The following KCNQ1 variants were observed in gnomAD, a reference collection of about 807,000 sequenced individuals.
The protein encoded by KCNQ1 is potassium voltage-gated channel subfamily Q member 1.
Under a neutral mutation model 72.4 loss-of-function variants are expected in KCNQ1, and 49 were observed. The observed-to-expected ratio is 0.68, with a 90% CI of 0.54 to 0.86. KCNQ1 has a LOEUF of 0.86. Among genes scored for constraint, KCNQ1 ranks in the 40% least tolerant of loss-of-function variants. The probability of loss-of-function intolerance (pLI) is 0.00; values close to 1 mark genes in which losing one functional copy is unlikely to be tolerated. For synonymous variants in KCNQ1, 450 were observed against 412.6 expected (o/e 1.09, Z -1.10); for missense variants, 790 against 945.1 (o/e 0.84, Z 2.15).
At position 2,817,694 on chromosome 11, in the gene KCNQ1, G is replaced by A. The variant is rs761472280; in HGVS notation, c.1795-30073G>A. 5.3e-5 allele frequency among the ~76,000 whole-genome samples: 8 copies of A among 152,118 alleles called. No homozygotes were observed. Among genetic ancestry groups the A allele is most frequent in the Non-Finnish European group, 8.8e-5 (6 of 68,014 alleles). On this transcript the variant is annotated intron_variant, in intron 15 of 15. Transcript: ENST00000155840. This position sits in a 1 kb window ranked among gnomAD's most constrained non-coding sequence, Gnocchi z 6.1. ...GGGACTGTTAGCACAGACCTGAGCC[G>A]AGGCCCCCTTCTCACAGGGGCCTAC...
rs1027303679 is a variant in KCNQ1 at position 2,734,451 on chromosome 11, G to C, written c.1515-34393G>C. 8.5e-5 allele frequency among the ~76,000 whole-genome samples: 13 copies of C among 152,232 alleles called. No homozygotes were observed. Among genetic ancestry groups the C allele is most frequent in the African/African-American group, 3.1e-4 (13 of 41,462 alleles). Reference sequence around the variant, plus strand: ...TGTCCCCGGGGCCCCGCAGCCAGCTGTGCTGGGCAAGGCAGGACGGGATCC... The same window carrying C: ...TGTCCCCGGGGCCCCGCAGCCAGCTCTGCTGGGCAAGGCAGGACGGGATCC... On this transcript the variant is annotated intron_variant, in intron 11 of 15. Coordinates refer to ENST00000155840, the MANE Select transcript of KCNQ1 (RefSeq NM_000218.3). This position sits in a 1 kb window ranked among gnomAD's most constrained non-coding sequence, Gnocchi z 7.0.
rs1246947713 is a variant in KCNQ1 at position 2,473,755 on chromosome 11, G to A, written c.386+28271G>A. On this transcript the variant is annotated intron_variant, in intron 1 of 15. Transcript: ENST00000155840. This position sits in a 1 kb window ranked among gnomAD's most constrained non-coding sequence, Gnocchi z 6.0. ...TGGCAGCCTGCAGGTTGAAGCCCCC[G>A]ACAGCTGGGGGAGGCATTGCTCTGC... Among the ~76,000 whole-genome samples the A allele has an allele frequency of 2.0e-5, 3 of 152,230 alleles. No homozygotes were observed. Among genetic ancestry groups the A allele is most frequent in the Non-Finnish European group, 2.9e-5 (2 of 68,032 alleles).
chr11:2,775,984 C>T lies in KCNQ1; in HGVS notation c.1615C>T (p.Arg539Trp), dbSNP rs199472795. ...FQQARKPYDV[R>W]DVIEQYSQGH... ...GCAAGCGCGGAAGCCTTACGATGTG[C>T]GGGACGTCATTGAGCAGTACTCGCA... The change falls in exon 13 of 16, where the codon CGG becomes TGG. Residue 539 changes from arginine to tryptophan, a missense_variant. This residue lies in a region of KCNQ1 where 91 missense variants were observed against 139.1 expected (regional missense o/e 0.65). Transcript: ENST00000155840. 5 of 1,567,782 alleles carry T rather than the reference C, an allele frequency of 3.2e-6. No homozygotes were observed. Among genetic ancestry groups the T allele is most frequent in the Non-Finnish European group, 4.3e-6 (5 of 1,156,494 alleles).
rs530325713 is a variant in KCNQ1, at chr11:2,790,851, C to T, written c.1794+12814C>T. On this transcript the variant is annotated intron_variant, in intron 15 of 15. Coordinates refer to ENST00000155840, the MANE Select transcript of KCNQ1 (RefSeq NM_000218.3). ...GGGGTCTCTCTGCAAGTTCAAGTTC[C>T]GCCTCAACCCTACTACGTGGCCCTG... is the stretch of plus-strand genomic sequence containing the variant. Among the ~76,000 whole-genome samples the T allele has an allele frequency of 9.8e-5, 15 of 152,312 alleles. No homozygotes were observed. The South Asian group carries it at 1.2e-3, about 13-fold the overall frequency.
At position 2,734,412 on chromosome 11, in the gene KCNQ1, G is replaced by C. The variant is rs2133944932; in HGVS notation, c.1515-34432G>C. Among the ~76,000 whole-genome samples the C allele has an allele frequency of 6.6e-6, 1 of 152,378 alleles. No homozygotes were observed. The highest frequency in any genetic ancestry group is 2.1e-4 in the South Asian group (1 of 4,832). On this transcript the variant is annotated intron_variant, in intron 11 of 15. Coordinates refer to ENST00000155840, the MANE Select transcript of KCNQ1 (RefSeq NM_000218.3). This position sits in a 1 kb window ranked among gnomAD's most constrained non-coding sequence, Gnocchi z 7.0. ...GCTTCACAGCCCCCCGGCCACCGCAGGTCGGGGGAGCACTGTCCCCGGGGC... is the reference window on the plus strand; with the variant it reads ...GCTTCACAGCCCCCCGGCCACCGCACGTCGGGGGAGCACTGTCCCCGGGGC...
intron 15 of KCNQ1, among the ~76,000 whole-genome samples, chr11:2,791,312 C>T (rs1397337826): frequency 1.3e-5 from 2 of 151,630 alleles, no homozygotes; most frequent in African/African-American, 4.9e-5. Context: ...CTGGGCTGGC[C>T]GCCTGCAGGG....
rs1846880321 is a variant in KCNQ1 at position 2,784,655 on chromosome 11, C to G, written c.1794+6618C>G. ...ACTTAACAAAATTGAGTATTGTAATCAATGAACATGGTATATCCCTCCATT... is the reference window on the plus strand; with the variant it reads ...ACTTAACAAAATTGAGTATTGTAATGAATGAACATGGTATATCCCTCCATT... On this transcript the variant is annotated intron_variant, in intron 15 of 15. Transcript: ENST00000155840. This position sits in a 1 kb window ranked among gnomAD's most constrained non-coding sequence, Gnocchi z 4.7. Among the ~76,000 whole-genome samples the G allele has an allele frequency of 6.6e-6, 1 of 151,864 alleles. No homozygotes were observed. The highest frequency in any genetic ancestry group is 2.1e-4 in the South Asian group (1 of 4,824).
chr11:2,503,136 G>T (rs1847044211), intron 1 of KCNQ1, among the ~76,000 whole-genome samples: 1 of 152,180 alleles, frequency 6.6e-6, no homozygotes, highest in Non-Finnish European at 1.5e-5. Context: ...AAGACTGCTT[G>T]AGTAATCCCT....
At chr11:2,469,475 G>A (rs1371566274) in intron 1 of KCNQ1, among the ~76,000 whole-genome samples, 3 of 151,936 alleles carry the variant, frequency 2.0e-5, no homozygotes, top group East Asian at 2.0e-4. Flanking sequence ...GTTTCACCAC[G>A]TTGGCCAGGC....
chr11:2,777,137 C>A, intron 14 of KCNQ1, 105 bp downstream of exon 14: 1 of 1,084,998 alleles, frequency 9.2e-7, no homozygotes, highest in Non-Finnish European at 1.4e-6. Flanking sequence ...GCCATTGCAC[C>A]TCCAAAGTGC....
chr11:2,796,076 T>A (rs565644881), intron 15 of KCNQ1, among the ~76,000 whole-genome samples: 2 of 152,202 alleles, frequency 1.3e-5, no homozygotes, highest in East Asian at 3.9e-4. Flanking sequence ...GTTAAGTACT[T>A]CTACTGCAGC....
At chr11:2,570,219 C>T (rs373707834) in intron 2 of KCNQ1, among the ~76,000 whole-genome samples, 9 of 152,178 alleles carry the variant, frequency 5.9e-5, no homozygotes, top group Admixed American at 2.0e-4. Flanking sequence ...TGGCGTCGGA[C>T]GCCCTCTGGC....
At chr11:2,789,785 G>A (rs1385104185) in intron 15 of KCNQ1, among the ~76,000 whole-genome samples, 1 of 152,188 alleles carries the variant, frequency 6.6e-6, no homozygotes, top group Admixed American at 6.5e-5. Context: ...TGCTCATTTC[G>A]AGGTGTTTCT....
rs913377402 is a variant in KCNQ1 at position 2,550,911 on chromosome 11, C to T, written c.478-19717C>T. Among the ~76,000 whole-genome samples the T allele has an allele frequency of 3.3e-5, 5 of 151,984 alleles. No individual in the cohort carries two copies. The highest frequency in any genetic ancestry group is 7.4e-5 in the Non-Finnish European group (5 of 67,994). On this transcript the variant is annotated intron_variant, in intron 2 of 15. Coordinates refer to ENST00000155840, the MANE Select transcript of KCNQ1 (RefSeq NM_000218.3). This position sits in a 1 kb window ranked among gnomAD's most constrained non-coding sequence, Gnocchi z 6.0. Reference sequence around the variant, plus strand: ...GGGGCACAGACTGAGACAGGGTCCCCGTGTTCCATCCATGGGGTACAGCTG... The same window carrying T: ...GGGGCACAGACTGAGACAGGGTCCCTGTGTTCCATCCATGGGGTACAGCTG...
Position 2,670,612 on chromosome 11 carries a change from G to A in KCNQ1, c.1514+8531G>A. On this transcript the variant is annotated intron_variant, in intron 11 of 15. Transcript: ENST00000155840. The surrounding 1 kb of genome is among the most constrained non-coding windows in gnomAD (Gnocchi z 4.9). ...GCTCATTCCCAGACACACAATCTCT[G>A]GGGGAGCCTGGATATGCATGGCAGA... is the stretch of plus-strand genomic sequence containing the variant. 1 of 398,428 alleles carries A rather than the reference G, an allele frequency of 2.5e-6. No homozygotes were observed. The highest frequency in any genetic ancestry group is 4.4e-6 in the Non-Finnish European group (1 of 226,054). 24.7% of individuals were successfully genotyped at this position (398,428 alleles called of 1,614,324 possible). A position where few individuals can be genotyped will look rare whatever the true frequency, so the allele number is the denominator to read the frequency against.
intron 10 of KCNQ1, chr11:2,628,213 G>A (rs538130015): frequency 1.7e-4 from 66 of 398,524 alleles, no homozygotes; most frequent in South Asian, 1.7e-3. Context: ...AAAATCTATC[G>A]TGTTTTCCAT....
At position 2,468,935 on chromosome 11, in the gene KCNQ1, G is replaced by A. The variant is rs1846397465; in HGVS notation, c.386+23451G>A. ...GAACTGCTCTGCAGCCCGCTGGGAAGTGGAACGGCTGTGTCATGGGGTGGG... is the reference window on the plus strand; with the variant it reads ...GAACTGCTCTGCAGCCCGCTGGGAAATGGAACGGCTGTGTCATGGGGTGGG... On this transcript the variant is annotated intron_variant, in intron 1 of 15. Coordinates refer to ENST00000155840, the MANE Select transcript of KCNQ1 (RefSeq NM_000218.3). This position sits in a 1 kb window ranked among gnomAD's most constrained non-coding sequence, Gnocchi z 5.7. Among the ~76,000 whole-genome samples the A allele has an allele frequency of 6.6e-6, 1 of 152,228 alleles. No homozygotes were observed. Among genetic ancestry groups the A allele is most frequent in the South Asian group, 2.1e-4 (1 of 4,834 alleles).
rs1292078888 is a variant in KCNQ1, at chr11:2,549,331, G to C, written c.478-21297G>C. 6.6e-6 allele frequency among the ~76,000 whole-genome samples: 1 copy of C among 152,066 alleles called. No homozygotes were observed. The highest frequency in any genetic ancestry group is 1.5e-5 in the Non-Finnish European group (1 of 67,996). ...AGGGTGCGGGGTGCGGGACAAACCT[G>C]GGTCCAGGCACCTGGGGCGACCCTC... On this transcript the variant is annotated intron_variant, in intron 2 of 15. Transcript: ENST00000155840. The surrounding 1 kb of genome is among the most constrained non-coding windows in gnomAD (Gnocchi z 6.2).
rs1241586544 is a variant in KCNQ1 at position 2,612,862 on chromosome 11, G to A, written c.1393+24008G>A. Reference sequence around the variant, plus strand: ...TATATCGTAGAAACTCTGGATTCTAGTTCTTCTCCCTAACCAGGGATGATT... The same window carrying A: ...TATATCGTAGAAACTCTGGATTCTAATTCTTCTCCCTAACCAGGGATGATT... On this transcript the variant is annotated intron_variant, in intron 10 of 15. Coordinates refer to ENST00000155840, the MANE Select transcript of KCNQ1 (RefSeq NM_000218.3). The surrounding 1 kb of genome is among the most constrained non-coding windows in gnomAD (Gnocchi z 5.5). 2.5e-6 allele frequency: 1 copy of A among 398,410 alleles called. No homozygotes were observed. Among genetic ancestry groups the A allele is most frequent in the Non-Finnish European group, 4.4e-6 (1 of 226,028 alleles). The allele number at this position is 398,410 out of a possible 1,614,324, so 24.7% of individuals were successfully genotyped here. A position where few individuals can be genotyped will look rare whatever the true frequency, so the allele number is the denominator to read the frequency against.
Sources: allele counts gnomAD v4.1 joint callset (sites outside exome capture counted in the v4.1 genomes callset), GRCh38; gene constraint gnomAD v4.1.1; regional missense constraint gnomAD v4.1.1; non-coding constraint Gnocchi (gnomAD v3.1); transcripts MANE v1.5; gene names NCBI Gene and HGNC (gene_info 2026-07-23, HGNC 2026-07-21).